The following VASP variants were observed in gnomAD, a reference collection of about 807,000 sequenced individuals.
VASP encodes vasodilator-stimulated phosphoprotein.
VASP carries 27 observed loss-of-function variants against 54.4 expected under a neutral mutation model. That is an observed-to-expected ratio of 0.50 (90% CI 0.37 to 0.68). The LOEUF (loss-of-function observed/expected upper bound fraction) is 0.68. VASP is among the 30% of genes least tolerant of loss of function. The pLI is 0.00. For missense variants in VASP, 488 were observed against 528.3 expected, an observed-to-expected ratio of 0.92 and a Z score of 0.75; for synonymous variants, 233 against 209.8, an observed-to-expected ratio of 1.11 and a Z score of -0.96.
intron 4 of VASP, 92 bp from the exon 5 acceptor site, chr19:45,522,076 G>T: frequency 6.4e-7 from 1 of 1,567,892 alleles, no homozygotes; most frequent in South Asian, 1.1e-5. Flanking sequence ...CCACCCTGGA[G>T]ACCTCTGAGA....
chr19:45,518,060 C>T lies in VASP; in HGVS notation c.309C>T (p.Ala103=), dbSNP rs768835917. ...FGSKEDAAQF[A]AGMASALEAL... ...GCAAGGAGGATGCGGCCCAGTTTGC[C>T]GCCGGCATGGCCAGTGCCCTAGAGG... The change falls in exon 3 of 13, where the codon GCC becomes GCT. Residue 103 remains alanine, a synonymous_variant. Coordinates refer to ENST00000245932, the MANE Select transcript of VASP (RefSeq NM_003370.4). The T allele has an allele frequency of 2.5e-6, 4 of 1,613,786 alleles. No homozygotes were observed. Among genetic ancestry groups the T allele is most frequent in the Admixed American group, 1.7e-5 (1 of 60,022 alleles).
At chr19:45,522,245 G>A in intron 5 of VASP, 28 bp downstream of exon 5, 1 of 1,614,198 alleles carries the variant, frequency 6.2e-7, no homozygotes, top group Non-Finnish European at 8.5e-7. Context: ...TCGGGAGTTG[G>A]GAGGGGGCCT....
intron 1 of VASP, 101 bp from the exon 2 acceptor site, chr19:45,517,552 CCTCTGTGTCA>C: frequency 7.0e-7 from 1 of 1,424,774 alleles, no homozygotes. Context: ...CTCCTGCCTC[CCTCTGTGTCA>C]CTCTCTTCCT....
rs555913920 is a variant in VASP at position 45,519,741 on chromosome 19, A to G, written c.344-1581A>G. Among the ~76,000 whole-genome samples the G allele has an allele frequency of 4.8e-3, 673 of 140,840 alleles. 6 individuals carry two copies. Among genetic ancestry groups the G allele is most frequent in the African/African-American group, 0.02 (647 of 32,058 alleles). 92.4% of individuals were successfully genotyped at this position (140,840 alleles called of 152,430 possible). A position where few individuals can be genotyped will look rare whatever the true frequency, so the allele number is the denominator to read the frequency against. On this transcript the variant is annotated intron_variant, in intron 3 of 12. Coordinates refer to ENST00000245932, the MANE Select transcript of VASP (RefSeq NM_003370.4). Reference sequence around the variant, plus strand: ...CTCCCGAGTAGCTGGGACTACAGGCACCCGCCACCACATCCAGCTAATTTT... The same window carrying G: ...CTCCCGAGTAGCTGGGACTACAGGCGCCCGCCACCACATCCAGCTAATTTT...
chr19:45,509,262 C>G (rs1461767798), intron 1 of VASP, among the ~76,000 whole-genome samples: 1 of 152,230 alleles, frequency 6.6e-6, no homozygotes, highest in Non-Finnish European at 1.5e-5. Flanking sequence ...TGCCTATCCG[C>G]TCCCCATTAT....
At chr19:45,509,376 C>A (rs938404067) in intron 1 of VASP, among the ~76,000 whole-genome samples, 1 of 148,132 alleles carries the variant, frequency 6.8e-6, no homozygotes, top group African/African-American at 2.5e-5. Flanking sequence ...CCTTGCCCCC[C>A]AGCCCCGCCC....
chr19:45,523,153 C>A (rs1968879254), intron 7 of VASP, among the ~76,000 whole-genome samples: 1 of 150,548 alleles, frequency 6.6e-6, no homozygotes, highest in Non-Finnish European at 1.5e-5. Context: ...AATCATAGAA[C>A]CTCCTCCACC....
rs1266320480 is a variant in VASP at position 45,522,405 on chromosome 19, C to G, written c.544C>G (p.Pro182Ala). The change falls in exon 6 of 13, where the codon CCC becomes GCC. Residue 182 changes from proline to alanine, a missense_variant. By Grantham distance (27) the Pro-to-Ala change is conservative. Transcript: ENST00000245932. ...ACCAGGACCTCCCCCTCCTCCAGGT[C>G]CCCCCCCACCCCCAGGTTTGCCCCC... ...PPPGPPPPPG[P>A]PPPPGLPPSG... 2 of 1,482,954 alleles carry G rather than the reference C, an allele frequency of 1.3e-6. No individual in the cohort carries two copies. The highest frequency in any genetic ancestry group is 1.8e-6 in the Non-Finnish European group (2 of 1,094,382). 91.9% of individuals were successfully genotyped at this position (1,482,954 alleles called of 1,614,324 possible).
In VASP at chr19:45,507,839, C is replaced by G. The variant is rs527886044; in HGVS notation, c.5+63C>G. 28 of 1,071,860 alleles carry G rather than the reference C, an allele frequency of 2.6e-5. No individual in the cohort carries two copies. In the South Asian group the frequency reaches 5.3e-4, roughly 20 times the overall value. 66.4% of individuals were successfully genotyped at this position (1,071,860 alleles called of 1,614,324 possible). ...GCGGGCTCCGCGCCCCGCCTTTGTC[C>G]CCCTCCCCCCCAGCTAGCTCCGGGC... On this transcript the variant is annotated intron_variant, in intron 1 of 12. Coordinates refer to ENST00000245932, the MANE Select transcript of VASP (RefSeq NM_003370.4). The surrounding 1 kb of genome is among the most constrained non-coding windows in gnomAD (Gnocchi z 4.4).
At position 45,507,614 on chromosome 19, in the gene VASP, C is replaced by T. The variant is rs2122268834; in HGVS notation, c.-158C>T. On this transcript the variant is annotated 5_prime_UTR_variant, in exon 1 of 13. Coordinates refer to ENST00000245932, the MANE Select transcript of VASP (RefSeq NM_003370.4). The surrounding 1 kb of genome is among the most constrained non-coding windows in gnomAD (Gnocchi z 4.4). ...AGCGGCGCCCGGAGACCCGCCCCGG[C>T]CCGGTCCACATTCTCCCCAGGAAGC... 4 of 896,066 alleles carry T rather than the reference C, an allele frequency of 4.5e-6. No homozygotes were observed. Among genetic ancestry groups the T allele is most frequent in the African/African-American group, 1.8e-5 (1 of 56,244 alleles). The allele number at this position is 896,066 out of a possible 1,614,324, so 55.5% of individuals were successfully genotyped here.
intron 1 of VASP, among the ~76,000 whole-genome samples, chr19:45,508,361 A>T (rs949923108): frequency 4.6e-5 from 7 of 151,998 alleles, no homozygotes; most frequent in African/African-American, 1.7e-4. Context: ...GCTGGTGTGA[A>T]CCGATCCAGG....
intron 10 of VASP, 192 bp from the exon 11 acceptor site, chr19:45,524,378 A>C (rs1968913641): frequency 1.5e-6 from 1 of 678,492 alleles, no homozygotes; most frequent in African/African-American, 1.8e-5. Flanking sequence ...CCAGCCTGAG[A>C]AATAGAATGT....
Position 45,526,321 on chromosome 19 carries a change from A to G in VASP, c.*144A>G, listed in dbSNP as rs1010507497. On this transcript the variant is annotated 3_prime_UTR_variant, in exon 13 of 13. Coordinates refer to ENST00000245932, the MANE Select transcript of VASP (RefSeq NM_003370.4). ...CTCCCCATCCCACTTGGAAAACTCC[A>G]AGGGGGTGTGGCTTCCCTGCTCACA... 1.9e-6 allele frequency: 2 copies of G among 1,063,334 alleles called. No homozygotes were observed. The highest frequency in any genetic ancestry group is 2.8e-5 in the East Asian group (1 of 36,090). 65.9% of individuals were successfully genotyped at this position (1,063,334 alleles called of 1,614,324 possible). A position where few individuals can be genotyped will look rare whatever the true frequency, so the allele number is the denominator to read the frequency against.
Position 45,523,189 on chromosome 19 carries a change from AATTTTTTTTT to A in VASP, c.821+372_821+381del, listed in dbSNP as rs1480923847. On this transcript the variant is annotated intron_variant, in intron 7 of 12. Transcript: ENST00000245932. ...CTGATTCTAGAACCACAATCTCTTG[AATTTTTTTTT>A]TTTTTTTTTTTTTTTTTTTTTGAGA... Among the ~76,000 whole-genome samples the A allele has an allele frequency of 3.4e-3, 366 of 106,992 alleles. 9 individuals are homozygous for A. Among genetic ancestry groups the A allele is most frequent in the Non-Finnish European group, 4.2e-3 (239 of 56,308 alleles). 70.2% of individuals were successfully genotyped at this position (106,992 alleles called of 152,430 possible).
At position 45,522,370 on chromosome 19, in the gene VASP, C is replaced by G; in HGVS notation, c.509C>G (p.Pro170Arg). The change falls in exon 6 of 13, where the codon CCA (proline) becomes CGA (arginine). Residue 170 changes from proline (P) to arginine (R), a missense_variant. Physicochemically the swap from Pro to Arg is moderately radical, Grantham distance 103. Coordinates refer to ENST00000245932, the MANE Select transcript of VASP (RefSeq NM_003370.4). ...GGPPAPPAGG[P>R]PPPPGPPPPP... is the part of the protein sequence containing the mutation. The stretch of plus-strand genomic sequence containing the variant: ...CCACCTGCTCCCCCCGCTGGGGGTC[C>G]ACCCCCACCACCAGGACCTCCCCCT... 6.5e-7 allele frequency: 1 copy of G among 1,546,172 alleles called. No homozygotes were observed. The highest frequency in any genetic ancestry group is 8.8e-7 in the Non-Finnish European group (1 of 1,141,422).
Position 45,524,162 on chromosome 19 carries a change from G to T in VASP, c.956+20G>T. On this transcript the variant is annotated intron_variant, in intron 10 of 12. Coordinates refer to ENST00000245932, the MANE Select transcript of VASP (RefSeq NM_003370.4). ...GCCAAGGTAGGCCATCGGTCCTGGG[G>T]CCCTTGGGGAGGTAAAGGCGGGCAG... The T allele has an allele frequency of 6.2e-7, 1 of 1,612,752 alleles. No homozygotes were observed.
chr19:45,526,401 C>A lies in VASP; in HGVS notation c.*224C>A. ...GCCCCCGCCCTTTTCTCCCTTTGGT[C>A]CTTCCCCTCTGCCATCCCCTTGGGG... On this transcript the variant is annotated 3_prime_UTR_variant, in exon 13 of 13. Transcript: ENST00000245932. The A allele has an allele frequency of 1.9e-6, 1 of 526,454 alleles. No individual in the cohort carries two copies. The highest frequency in any genetic ancestry group is 3.3e-6 in the Non-Finnish European group (1 of 306,058). 32.6% of individuals were successfully genotyped at this position (526,454 alleles called of 1,614,324 possible). A position where few individuals can be genotyped will look rare whatever the true frequency, so the allele number is the denominator to read the frequency against.
intron 3 of VASP, 140 bp from the exon 4 acceptor site, chr19:45,521,182 C>T: frequency 1.2e-6 from 1 of 841,980 alleles, no homozygotes; most frequent in South Asian, 1.6e-5. Context: ...CCTCCTGGGC[C>T]TGGAGCCTCA....
chr19:45,509,516 C>CA (rs1968557795), intron 1 of VASP, among the ~76,000 whole-genome samples: 1 of 118,622 alleles, frequency 8.4e-6, no homozygotes, highest in East Asian at 2.7e-4. Context: ...CCCCTGTCCT[C>CA]CCCACCACCA....
Sources: gnomAD v4.1 joint callset for allele counts (sites outside exome capture counted in the v4.1 genomes callset) on GRCh38, gnomAD v4.1.1 for gene constraint, Gnocchi (gnomAD v3.1) non-coding constraint, MANE v1.5 for transcripts, NCBI Gene and HGNC (gene_info 2026-07-23, HGNC 2026-07-21) for gene names.